The following USP46 variants were observed in gnomAD, a reference collection of about 807,000 sequenced individuals.
USP46 encodes ubiquitin specific peptidase 46, also known as ubiquitin carboxyl-terminal hydrolase 46.
A neutral mutation model predicts 44.4 loss-of-function variants in USP46; 12 were observed. The ratio of observed to expected loss-of-function variants is 0.27; its 90% CI spans 0.17 to 0.44. USP46 has a LOEUF of 0.44. Among genes scored for constraint, USP46 ranks in the 20% least tolerant of loss-of-function variants. The pLI, the probability that USP46 is intolerant of heterozygous loss-of-function variation, is 1.00. For synonymous variants in USP46, 155 were observed against 161.5 expected, an observed-to-expected ratio of 0.96 and a Z score of 0.31; for missense variants, 248 against 444.8, an observed-to-expected ratio of 0.56 and a Z score of 3.98.
At chr4:52,624,784 A>G (rs1717512103) in intron 4 of USP46, among the ~76,000 whole-genome samples, 1 of 152,190 alleles carries the variant, frequency 6.6e-6, no homozygotes, top group Non-Finnish European at 1.5e-5. Context: ...TTGTACCCTT[A>G]TAAAAGGAGA....
At chr4:52,613,744 A>G (rs1717023437) in intron 4 of USP46, among the ~76,000 whole-genome samples, 1 of 151,704 alleles carries the variant, frequency 6.6e-6, no homozygotes, top group South Asian at 2.1e-4. Context: ...AAAAGAAAAG[A>G]AAAGAAAACT....
At chr4:52,630,179 C>T (rs957282677) in intron 2 of USP46, among the ~76,000 whole-genome samples, 2 of 152,178 alleles carry the variant, frequency 1.3e-5, no homozygotes, top group African/African-American at 2.4e-5. Flanking sequence ...GTTACTACTC[C>T]GTTATCATTA....
rs578220961 is a variant in USP46 at position 52,598,706 on chromosome 4, A to G, written c.921T>C (p.Ser307=). The change falls in exon 8 of 9, where the codon AGT becomes AGC. Residue 307 remains serine (S), a splice_region_variant and synonymous_variant. Transcript: ENST00000441222. ...TGATATAATGCCCACGATTAGGACC[A>G]CTGGAAAAGAACAAATAAAAGGCAG... ...DLVAVVVHCG[S]GPNRGHYITI... is the part of the protein sequence containing the mutation. 5.0e-6 allele frequency: 8 copies of G among 1,604,286 alleles called. No individual in the cohort carries two copies. In the African/African-American group the frequency reaches 9.3e-5, roughly 19 times the overall value.
At chr4:52,632,672 C>T (rs985242195) in intron 1 of USP46, among the ~76,000 whole-genome samples, 1 of 151,260 alleles carries the variant, frequency 6.6e-6, no homozygotes, top group African/African-American at 2.4e-5. Flanking sequence ...AAATATAAAA[C>T]TTAGCAGGTA....
intron 1 of USP46, among the ~76,000 whole-genome samples, chr4:52,646,605 G>GT (rs35243560): frequency 1.3e-5 from 2 of 151,874 alleles, no homozygotes; most frequent in East Asian, 1.9e-4. Flanking sequence ...TTCTCTTTGG[G>GT]TTTTTTTAAT....
At chr4:52,604,802 T>C (rs1577660597) in intron 5 of USP46, among the ~76,000 whole-genome samples, 2 of 152,310 alleles carry the variant, frequency 1.3e-5, no homozygotes, top group South Asian at 4.1e-4. Flanking sequence ...GTAGACATGC[T>C]CTTTTCATCG....
intron 1 of USP46, among the ~76,000 whole-genome samples, chr4:52,645,657 T>C (rs1172508840): frequency 1.3e-5 from 2 of 151,990 alleles, no homozygotes; most frequent in Non-Finnish European, 2.9e-5. Context: ...TACCCACAAA[T>C]ACACTTCCCA....
chr4:52,647,541 A>G (rs1157553948), intron 1 of USP46, among the ~76,000 whole-genome samples: 1 of 152,232 alleles, frequency 6.6e-6, no homozygotes, highest in Admixed American at 6.5e-5. Flanking sequence ...AGAGTGTGGT[A>G]TAAGCTCATT....
chr4:52,632,989 G>GA (rs753178157), intron 1 of USP46, among the ~76,000 whole-genome samples: 1 of 31,976 alleles, frequency 3.1e-5, no homozygotes, highest in Non-Finnish European at 6.9e-5. Flanking sequence ...AGAAAGAAAA[G>GA]AAAAGAAAGA....
At chr4:52,639,413 T>C (rs1019813718) in intron 1 of USP46, among the ~76,000 whole-genome samples, 4 of 152,192 alleles carry the variant, frequency 2.6e-5, no homozygotes, top group African/African-American at 9.7e-5. Context: ...CCTTTTATCT[T>C]GTTGCACTGT....
Position 52,630,157 on chromosome 4 carries a change from C to T in USP46, c.117+907G>A, listed in dbSNP as rs1391131498. Among the ~76,000 whole-genome samples, 7 of 152,208 alleles carry T rather than the reference C, an allele frequency of 4.6e-5. No individual in the cohort carries two copies. In the South Asian group the frequency reaches 1.0e-3, roughly 23 times the overall value. On this transcript the variant is annotated intron_variant, in intron 2 of 8. Coordinates refer to ENST00000441222, the MANE Select transcript of USP46 (RefSeq NM_022832.4). ...AAGCTCACGAGGATGGAGGGCACAC[C>T]GCCTCTACCGTGTTACTACTCCGTT...
At chr4:52,600,390 C>T (rs1165642146) in intron 7 of USP46, among the ~76,000 whole-genome samples, 4 of 152,100 alleles carry the variant, frequency 2.6e-5, no homozygotes, top group Admixed American at 6.5e-5. Flanking sequence ...CCACCCAATC[C>T]GCAAGCATAG....
In USP46 at chr4:52,593,413, G is replaced by C. The variant is rs1716107281; in HGVS notation, c.*4227C>G. 6.5e-6 allele frequency: 1 copy of C among 153,204 alleles called. No homozygotes were observed. The highest frequency in any genetic ancestry group is 2.1e-4 in the South Asian group (1 of 4,830). The allele number at this position is 153,204 out of a possible 1,614,324, so 9.5% of individuals were successfully genotyped here. A position where few individuals can be genotyped will look rare whatever the true frequency, so the allele number is the denominator to read the frequency against. On this transcript the variant is annotated 3_prime_UTR_variant, in exon 9 of 9. Transcript: ENST00000441222. ...CACTGCCCCGAGAAGATGGACAGCA[G>C]CTGGGAGACTCAACACTTACTGGCA...
chr4:52,614,713 T>C (rs1057343861), intron 4 of USP46, among the ~76,000 whole-genome samples: 1 of 152,222 alleles, frequency 6.6e-6, no homozygotes, highest in Non-Finnish European at 1.5e-5. Context: ...TCAATAATGA[T>C]AAATATTTGT....
chr4:52,632,980 G>GAAAGAAAGAAAGAAAAGAAAAGA (rs1553891291), intron 1 of USP46, among the ~76,000 whole-genome samples: 2 of 71,486 alleles, frequency 2.8e-5, no homozygotes, highest in Admixed American at 1.4e-4. Flanking sequence ...AAGAAAGAAA[G>GAAAGAAAGAAAGAAAAGAAAAGA]AAAGAAAAGA....
intron 8 of USP46, 152 bp downstream of exon 8, chr4:52,598,476 G>T: frequency 4.2e-6 from 3 of 721,024 alleles, no homozygotes; most frequent in South Asian, 3.5e-5. Context: ...GGAGCATGGG[G>T]ATTAGCAGAA....
chr4:52,597,557 G>T lies in USP46; in HGVS notation c.*83C>A. On this transcript the variant is annotated 3_prime_UTR_variant, in exon 9 of 9. Coordinates refer to ENST00000441222, the MANE Select transcript of USP46 (RefSeq NM_022832.4). ...GAGTGATACCATTAGTGGGCCACTG[G>T]GGAAGAGGAAAGCCTGCGGAGAAGC... 2 of 909,276 alleles carry T rather than the reference G, an allele frequency of 2.2e-6. No homozygotes were observed. Among genetic ancestry groups the T allele is most frequent in the Non-Finnish European group, 1.7e-6 (1 of 578,056 alleles). 56.3% of individuals were successfully genotyped at this position (909,276 alleles called of 1,614,324 possible). A position where few individuals can be genotyped will look rare whatever the true frequency, so the allele number is the denominator to read the frequency against.
At chr4:52,631,283 T>C in intron 1 of USP46, 139 bp from the exon 2 acceptor site, 1 of 603,016 alleles carries the variant, frequency 1.7e-6, no homozygotes, top group East Asian at 2.9e-5. Flanking sequence ...TGAAGAAAAA[T>C]GTGTCAGAAG....
At chr4:52,605,083 A>G (rs1169229477) in intron 5 of USP46, among the ~76,000 whole-genome samples, 1 of 152,232 alleles carries the variant, frequency 6.6e-6, no homozygotes, top group Non-Finnish European at 1.5e-5. Context: ...CTGGTAGTCC[A>G]TATTTTCAAA....
Sources: gnomAD v4.1 joint callset for allele counts (sites outside exome capture counted in the v4.1 genomes callset) on GRCh38, gnomAD v4.1.1 for gene constraint, MANE v1.5 for transcripts, NCBI Gene and HGNC (gene_info 2026-07-23, HGNC 2026-07-21) for gene names.